ABTB1: variants seen among roughly 807,000 people sequenced by gnomAD.
ABTB1 encodes the protein ankyrin repeat and BTB/POZ domain-containing protein 1.
Under a neutral mutation model 57.1 loss-of-function variants are expected in ABTB1, and 45 were observed. That is an observed-to-expected ratio of 0.79 (90% CI 0.62 to 1.01). The LOEUF is 1.01. Among genes scored for constraint, ABTB1 ranks in the 50% least tolerant of loss-of-function variants. ABTB1 has a pLI of 0.00. For synonymous variants in ABTB1, 302 were observed against 275.4 expected, an observed-to-expected ratio of 1.10 and a Z score of -0.95; for missense variants, 630 against 666.3, an observed-to-expected ratio of 0.95 and a Z score of 0.60.
chr3:127,678,321 T>TGCGCGTGCGCGTGCGCGC (rs2075037752), intron 10 of ABTB1: 1 of 164,676 alleles, frequency 6.1e-6, no homozygotes. Flanking sequence ...TGTGTGTGCG[T>TGCGCGTGCGCGTGCGCGC]GCGCGTGCGC....
intron 1 of ABTB1, 190 bp from the exon 2 acceptor site, chr3:127,674,201 C>T (rs986579200): frequency 4.5e-6 from 3 of 659,928 alleles, no homozygotes; most frequent in Non-Finnish European, 7.9e-6. Context: ...CTGTTCGACC[C>T]CACCTCCACA....
chr3:127,674,474 T>TGGGGGGGGGG, intron 2 of ABTB1, 21 bp downstream of exon 2: 1 of 366,008 alleles, frequency 2.7e-6, no homozygotes, highest in Non-Finnish European at 5.5e-6. Flanking sequence ...GAGAGAGGGG[T>TGGGGGGGGGG]GGGGAGGGTG....
At chr3:127,675,912 A>T in intron 3 of ABTB1, 58 bp from the exon 4 acceptor site, 1 of 1,576,704 alleles carries the variant, frequency 6.3e-7, no homozygotes, top group Non-Finnish European at 8.7e-7. Flanking sequence ...AGGGACAGGG[A>T]GATTAGAATT....
In ABTB1 at chr3:127,674,715, G is replaced by A. The variant is rs903696862; in HGVS notation, c.175+115G>A. 8 of 1,266,586 alleles carry A rather than the reference G, an allele frequency of 6.3e-6. No individual in the cohort carries two copies. In the East Asian group the frequency reaches 7.0e-5, roughly 11 times the overall value. 78.5% of individuals were successfully genotyped at this position (1,266,586 alleles called of 1,614,324 possible). A position where few individuals can be genotyped will look rare whatever the true frequency, so the allele number is the denominator to read the frequency against. ...TTGATACACATTTGCAAAGCACCAC[G>A]ATTCCTCTCTTACCACCCAGTCGAA... On this transcript the variant is annotated intron_variant, in intron 3 of 11. Coordinates refer to ENST00000232744, the MANE Select transcript of ABTB1 (RefSeq NM_172027.3).
At chr3:127,677,922 G>A in intron 10 of ABTB1, 79 bp downstream of exon 10, 1 of 1,523,850 alleles carries the variant, frequency 6.6e-7, no homozygotes, top group Non-Finnish European at 8.9e-7. Context: ...GGCCCTGGGG[G>A]TCTGTGGAAG....
Position 127,676,894 on chromosome 3 carries a change from G to A in ABTB1, c.527-73G>A. Reference sequence around the variant, plus strand: ...CTGCAGCCAGGTGGCCAGGTGGGAGGGGATCACCCTTTTTCTGTGGGCCTG... The same window carrying A: ...CTGCAGCCAGGTGGCCAGGTGGGAGAGGATCACCCTTTTTCTGTGGGCCTG... On this transcript the variant is annotated intron_variant, in intron 6 of 11. Transcript: ENST00000232744. The surrounding 1 kb of genome is among the most constrained non-coding windows in gnomAD (Gnocchi z 5.4). 1 of 1,469,510 alleles carries A rather than the reference G, an allele frequency of 6.8e-7. No individual in the cohort carries two copies. Among genetic ancestry groups the A allele is most frequent in the African/African-American group, 1.4e-5 (1 of 72,180 alleles). The allele number at this position is 1,469,510 out of a possible 1,614,324, so 91.0% of individuals were successfully genotyped here.
At chr3:127,674,302 G>T in intron 1 of ABTB1, 89 bp from the exon 2 acceptor site, 2 of 1,523,562 alleles carry the variant, frequency 1.3e-6, no homozygotes, top group African/African-American at 1.4e-5. Flanking sequence ...ATACCAAAAG[G>T]GATGTTTTCT....
intron 10 of ABTB1, chr3:127,679,547 C>T (rs1308800312): frequency 4.4e-6 from 2 of 459,428 alleles, no homozygotes; most frequent in East Asian, 1.4e-4. Context: ...TCTTGACTAG[C>T]TGCCTCTGTC....
In ABTB1 at chr3:127,676,107, T is replaced by C. The variant is rs1379369520; in HGVS notation, c.313T>C (p.Leu105=). The change falls in exon 4 of 12, where the codon TTG becomes CTG. Residue 105 remains leucine (L), a synonymous_variant. Transcript: ENST00000232744. This position sits in a 1 kb window ranked among gnomAD's most constrained non-coding sequence, Gnocchi z 5.4. ...CRRRDYYDDF[L]QRLLEQGIHS... is the part of the protein sequence containing the mutation. ...GAGGCGGGATTACTATGACGACTTC[T>C]TGCAGCGGTGAGCCAGGGCACACGA... The C allele has an allele frequency of 1.2e-6, 2 of 1,613,198 alleles. No individual in the cohort carries two copies. Among genetic ancestry groups the C allele is most frequent in the Admixed American group, 1.7e-5 (1 of 60,028 alleles).
Position 127,676,234 on chromosome 3 carries a change from G to A in ABTB1, c.321-38G>A, listed in dbSNP as rs370825433. On this transcript the variant is annotated intron_variant, in intron 4 of 11. Coordinates refer to ENST00000232744, the MANE Select transcript of ABTB1 (RefSeq NM_172027.3). The surrounding 1 kb of genome is among the most constrained non-coding windows in gnomAD (Gnocchi z 5.4). Reference sequence around the variant, plus strand: ...GTGCTCCGAGGAATGGGGTGGGGCTGTGCCAAGTATCCTCCCTCCTGGCTT... The same window carrying A: ...GTGCTCCGAGGAATGGGGTGGGGCTATGCCAAGTATCCTCCCTCCTGGCTT... 2.9e-5 allele frequency: 47 copies of A among 1,606,094 alleles called. No individual in the cohort carries two copies. The African/African-American group carries it at 5.9e-4, about 20-fold the overall frequency.
chr3:127,675,271 T>C (rs950568860), intron 3 of ABTB1, among the ~76,000 whole-genome samples: 1 of 146,216 alleles, frequency 6.8e-6, no homozygotes, highest in African/African-American at 2.5e-5. Flanking sequence ...TTTCTTTTTT[T>C]TTTTTTTTTT....
In ABTB1 at chr3:127,677,412, C is replaced by T. The variant is rs981146488; in HGVS notation, c.763-53C>T. 96 of 1,585,096 alleles carry T rather than the reference C, an allele frequency of 6.1e-5. No homozygotes were observed. The African/African-American group carries it at 1.1e-3, about 19-fold the overall frequency. On this transcript the variant is annotated intron_variant, in intron 8 of 11. Transcript: ENST00000232744. ...GTTACTTCCCTTTTCTGAACCTAGT[C>T]GTTCACTTCTGTGAACAACTGCTCT...
chr3:127,674,112 A>G, intron 1 of ABTB1: 1 of 486,102 alleles, frequency 2.1e-6, no homozygotes, highest in Non-Finnish European at 3.8e-6. Flanking sequence ...GAAAGGCCAA[A>G]GGTCCAGCCT....
Position 127,680,393 on chromosome 3 carries a change from A to C in ABTB1, c.1355A>C (p.Gln452Pro). 1 of 1,608,230 alleles carries C rather than the reference A, an allele frequency of 6.2e-7. No individual in the cohort carries two copies. The highest frequency in any genetic ancestry group is 8.5e-7 in the Non-Finnish European group (1 of 1,177,706). Residue 452 changes from glutamine to proline, a missense_variant, in exon 12 of 12, where the codon CAG (glutamine) becomes CCG (proline). Transcript: ENST00000232744. ...CGCTTCCACGTGGCCAGCACGGTGCAGACCTACAGCGCCATAGAGGAGGCG... is the reference window on the plus strand; with the variant it reads ...CGCTTCCACGTGGCCAGCACGGTGCCGACCTACAGCGCCATAGAGGAGGCG... ...DIRFHVASTV[Q>P]TYSAIEEAQQ...
In ABTB1 at chr3:127,680,290, G is replaced by T. The variant is rs960554076; in HGVS notation, c.1252G>T (p.Val418Leu). 6.2e-7 allele frequency: 1 copy of T among 1,613,254 alleles called. No homozygotes were observed. Among genetic ancestry groups the T allele is most frequent in the Admixed American group, 1.7e-5 (1 of 59,920 alleles). Residue 418 changes from valine (V) to leucine (L), a missense_variant, in exon 12 of 12, where the codon GTG (valine) becomes TTG (leucine). Val to Leu is a conservative substitution (Grantham distance 32, BLOSUM62 1). This residue lies in a region of ABTB1 where 579 missense variants were observed against 585.9 expected (regional missense o/e 0.99). Transcript: ENST00000232744. ...ATAGCTGGTGGAGCGGGAGGACTTC[G>T]TGGAGGCGGTGAAGGAGGAGGCAGC... ...IEKLVEREDFVEAVKEEAAAV... is the reference protein window; with the variant it reads ...IEKLVEREDFLEAVKEEAAAV...
At chr3:127,678,397 T>G (rs1006987828) in intron 10 of ABTB1, 1 of 152,764 alleles carries the variant, frequency 6.5e-6, no homozygotes, top group African/African-American at 2.4e-5. Context: ...TCTCCTTCAC[T>G]TCTGACTGAG....
At chr3:127,675,896 G>C (rs998836551) in intron 3 of ABTB1, 74 bp from the exon 4 acceptor site, 1 of 1,556,326 alleles carries the variant, frequency 6.4e-7, no homozygotes, top group African/African-American at 1.4e-5. Flanking sequence ...TGGGAAGGTG[G>C]GGAGGAGGGA....
rs781062139 is a variant in ABTB1, at chr3:127,676,152, G to A, written c.320+38G>A. On this transcript the variant is annotated intron_variant, in intron 4 of 11. Coordinates refer to ENST00000232744, the MANE Select transcript of ABTB1 (RefSeq NM_172027.3). The surrounding 1 kb of genome is among the most constrained non-coding windows in gnomAD (Gnocchi z 5.4). ...ACACGAGGGGTGCAGCATGGGGTGC[G>A]GTGGCCCTGGTGGGTGTGGCGAGTC... The A allele has an allele frequency of 1.6e-5, 26 of 1,608,728 alleles. No homozygotes were observed. The highest frequency in any genetic ancestry group is 3.7e-4 in the Middle Eastern group (2 of 5,450).
rs757473818 is a variant in ABTB1, at chr3:127,673,017, C to A, written c.-9C>A. On this transcript the variant is annotated 5_prime_UTR_variant, in exon 1 of 12. Transcript: ENST00000232744. ...GAGGTCGTTCGGCTCGGGTACCATC[C>A]TCCGCGCCATGGACACCAGCGACCT... 1 of 1,564,136 alleles carries A rather than the reference C, an allele frequency of 6.4e-7. No individual in the cohort carries two copies. Among genetic ancestry groups the A allele is most frequent in the Non-Finnish European group, 8.7e-7 (1 of 1,155,200 alleles).
Sources: gnomAD v4.1 joint callset for allele counts (sites outside exome capture counted in the v4.1 genomes callset) on GRCh38, gnomAD v4.1.1 for gene constraint, gnomAD v4.1.1 regional missense constraint, Gnocchi (gnomAD v3.1) non-coding constraint, MANE v1.5 for transcripts, NCBI Gene and HGNC (gene_info 2026-07-23, HGNC 2026-07-21) for gene names.